Variants in PLEK2 observed in about 807,000 individuals in gnomAD.
PLEK2 encodes pleckstrin 2, also known as pleckstrin-2.
Under a neutral mutation model 43.8 loss-of-function variants are expected in PLEK2, and 29 were observed. That is an observed-to-expected ratio of 0.66 (90% CI 0.49 to 0.90). The LOEUF is 0.90. Among genes scored for constraint, PLEK2 ranks in the 40% least tolerant of loss-of-function variants. The pLI is 0.00. For synonymous variants in PLEK2, 162 were observed against 173.2 expected (o/e 0.94, Z 0.51); for missense variants, 398 against 448.1 (o/e 0.89, Z 1.01).
Position 67,387,397 on chromosome 14 carries a change from AGT to A in PLEK2, c.992_993del (p.His331LeufsTer10). On this transcript the variant is annotated frameshift_variant, in exon 9 of 9. Transcript: ENST00000216446. LOFTEE classifies it high-confidence loss of function. ...GCCTTGCTGCTGGCCTGAATGTAATAGTGTGTGTCATCCTTAGTAATCACTTT... is the reference window on the plus strand; with the variant it reads ...GCCTTGCTGCTGGCCTGAATGTAATAGTGTGTCATCCTTAGTAATCACTTT... ...LFKVITKDDTHYYIQASSKAE... is the reference protein window; with the variant it reads ...LFKVITKDDTXYYIQASSKAE... 1 of 1,610,952 alleles carries A rather than the reference AGT, an allele frequency of 6.2e-7. No individual in the cohort carries two copies. Among genetic ancestry groups the A allele is most frequent in the Non-Finnish European group, 8.5e-7 (1 of 1,178,802 alleles).
At chr14:67,389,855 G>A (rs2085954381) in intron 7 of PLEK2, among the ~76,000 whole-genome samples, 1 of 151,616 alleles carries the variant, frequency 6.6e-6, no homozygotes, top group Non-Finnish European at 1.5e-5. Flanking sequence ...CAGAAAGGAA[G>A]GAGTTTGAAC....
intron 2 of PLEK2, among the ~76,000 whole-genome samples, 195 bp from the exon 3 acceptor site, chr14:67,395,778 G>A (rs1016867131): frequency 6.6e-6 from 1 of 152,162 alleles, no homozygotes; most frequent in Non-Finnish European, 1.5e-5. Context: ...GCCTCACACT[G>A]CAGCCTTTCC....
chr14:67,387,364 C>T lies in PLEK2; in HGVS notation c.1027G>A (p.Ala343Thr). The T allele has an allele frequency of 1.9e-6, 3 of 1,610,888 alleles. No individual in the cohort carries two copies. Among genetic ancestry groups the T allele is most frequent in the Non-Finnish European group, 2.5e-6 (3 of 1,178,904 alleles). Residue 343 changes from alanine (A) to threonine (T), a missense_variant, in exon 9 of 9, where the codon GCC becomes ACC. Ala to Thr is a moderately conservative substitution (Grantham distance 58, BLOSUM62 0). Coordinates refer to ENST00000216446, the MANE Select transcript of PLEK2 (RefSeq NM_016445.3). ...YIQASSKAERAEWIEAIKKLT is the reference protein window; with the variant it reads ...YIQASSKAERTEWIEAIKKLT ...TTTTTGATAGCTTCAATCCACTCGG[C>T]TCGCTCAGCCTTGCTGCTGGCCTGA... is the stretch of plus-strand genomic sequence containing the variant.
chr14:67,410,911 T>G (rs902844328), intron 1 of PLEK2, among the ~76,000 whole-genome samples: 25 of 152,022 alleles, frequency 1.6e-4, no homozygotes, highest in Admixed American at 1.3e-3. Flanking sequence ...CTTGGGAGGC[T>G]AAGGTGGGCA....
intron 1 of PLEK2, among the ~76,000 whole-genome samples, chr14:67,407,372 C>A (rs535642744): frequency 6.6e-6 from 1 of 151,870 alleles, no homozygotes; most frequent in African/African-American, 2.4e-5. Flanking sequence ...CTGCCCACCT[C>A]GGCCTCCTAA....
intron 1 of PLEK2, among the ~76,000 whole-genome samples, chr14:67,401,033 G>A (rs2086044754): frequency 6.6e-6 from 1 of 152,048 alleles, no homozygotes; most frequent in Non-Finnish European, 1.5e-5. Flanking sequence ...GGGATGCACT[G>A]TGTGTCTGTG....
At chr14:67,388,386 A>G (rs963815190) in intron 7 of PLEK2, 84 bp from the exon 8 acceptor site, 2 of 830,566 alleles carry the variant, frequency 2.4e-6, no homozygotes, top group Non-Finnish European at 4.2e-6. Flanking sequence ...CAGGCCAGCT[A>G]AAGAAGTGAG....
At chr14:67,401,115 C>G (rs1340011039) in intron 1 of PLEK2, among the ~76,000 whole-genome samples, 1 of 151,922 alleles carries the variant, frequency 6.6e-6, no homozygotes, top group South Asian at 2.1e-4. Context: ...GAGATACATC[C>G]CCTTTAAAGA....
intron 1 of PLEK2, among the ~76,000 whole-genome samples, chr14:67,405,123 C>T (rs1366273106): frequency 2.0e-5 from 3 of 149,914 alleles, no homozygotes; most frequent in East Asian, 2.0e-4. Flanking sequence ...ATCCCAGCTA[C>T]TCAGGAGGCT....
At chr14:67,397,563 T>G in intron 2 of PLEK2, 99 bp downstream of exon 2, 2 of 1,004,178 alleles carry the variant, frequency 2.0e-6, no homozygotes, top group Non-Finnish European at 2.9e-6. Context: ...CAATTCTAAC[T>G]CTGAGCTCTT....
In PLEK2 at chr14:67,387,349, C is replaced by T. The variant is rs2085933464; in HGVS notation, c.1042G>A (p.Ala348Thr). 3 of 1,611,240 alleles carry T rather than the reference C, an allele frequency of 1.9e-6. No individual in the cohort carries two copies. Among genetic ancestry groups the T allele is most frequent in the Non-Finnish European group, 2.5e-6 (3 of 1,179,030 alleles). ...SKAERAEWIEAIKKLT is the reference protein window; with the variant it reads ...SKAERAEWIETIKKLT ...CCTTGTCATGTTAGCTTTTTGATAG[C>T]TTCAATCCACTCGGCTCGCTCAGCC... The change falls in exon 9 of 9, where the codon GCT (alanine) becomes ACT (threonine). Residue 348 changes from alanine (A) to threonine (T), a missense_variant. Transcript: ENST00000216446.
chr14:67,389,765 TG>T (rs763328501), intron 7 of PLEK2, among the ~76,000 whole-genome samples: 6 of 148,700 alleles, frequency 4.0e-5, no homozygotes, highest in Non-Finnish European at 8.9e-5. Context: ...AAAACTAAAG[TG>T]TTTTTTTTCT....
intron 1 of PLEK2, among the ~76,000 whole-genome samples, chr14:67,404,469 A>G (rs1296640773): frequency 6.6e-6 from 1 of 151,960 alleles, no homozygotes; most frequent in Non-Finnish European, 1.5e-5. Flanking sequence ...AAACAAAACT[A>G]AACAACAAAC....
At chr14:67,400,320 G>A (rs2086039304) in intron 1 of PLEK2, among the ~76,000 whole-genome samples, 1 of 152,196 alleles carries the variant, frequency 6.6e-6, no homozygotes. Flanking sequence ...CAGTCCAGTG[G>A]AATTGCACAT....
intron 8 of PLEK2, 137 bp from the exon 9 acceptor site, chr14:67,387,593 G>A (rs1483924992): frequency 1.1e-6 from 1 of 916,634 alleles, no homozygotes; most frequent in Non-Finnish European, 1.6e-6. Flanking sequence ...TTTACAGTTA[G>A]AGAATCCTAT....
intron 1 of PLEK2, among the ~76,000 whole-genome samples, chr14:67,409,745 C>T (rs1190983247): frequency 1.3e-5 from 2 of 152,192 alleles, no homozygotes; most frequent in Non-Finnish European, 2.9e-5. Context: ...CTGCTCTGCA[C>T]TCCGGCTTCC....
intron 8 of PLEK2, 36 bp from the exon 9 acceptor site, chr14:67,387,492 G>T: frequency 6.3e-7 from 1 of 1,593,056 alleles, no homozygotes; most frequent in Non-Finnish European, 8.5e-7. Context: ...ATCAGTGATT[G>T]AATAGCCATG....
At chr14:67,393,064 A>G in intron 4 of PLEK2, 86 bp downstream of exon 4, 1 of 1,095,784 alleles carries the variant, frequency 9.1e-7, no homozygotes, top group Non-Finnish European at 1.4e-6. Context: ...TCTGACCTCA[A>G]TACAGGGCGG....
intron 1 of PLEK2, among the ~76,000 whole-genome samples, chr14:67,404,046 G>T (rs771090211): frequency 6.6e-6 from 1 of 151,490 alleles, no homozygotes; most frequent in Non-Finnish European, 1.5e-5. Context: ...CAGTGAGACT[G>T]CCAAAAAAAT....
Sources: allele counts gnomAD v4.1 joint callset (sites outside exome capture counted in the v4.1 genomes callset), GRCh38; gene constraint gnomAD v4.1.1; transcripts MANE v1.5; gene names NCBI Gene and HGNC (gene_info 2026-07-23, HGNC 2026-07-21).